The following ARHGAP21 variants were observed in gnomAD, a reference collection of about 807,000 sequenced individuals.
ARHGAP21 encodes rho GTPase-activating protein 21.
Under a neutral mutation model 164.6 loss-of-function variants are expected in ARHGAP21, and 38 were observed. That is an observed-to-expected ratio of 0.23 (90% CI 0.18 to 0.30). The LOEUF is 0.30. Ranked by LOEUF, ARHGAP21 falls within the 10% of genes least tolerant of loss-of-function variation. ARHGAP21 has a pLI of 1.00. For synonymous variants in ARHGAP21, 766 were observed against 857.9 expected, an observed-to-expected ratio of 0.89 and a Z score of 1.87; for missense variants, 1,822 against 2,370.7, an observed-to-expected ratio of 0.77 and a Z score of 4.81.
chr10:24,702,113 A>G (rs1843724019), intron 2 of ARHGAP21, among the ~76,000 whole-genome samples: 1 of 150,832 alleles, frequency 6.6e-6, no homozygotes, highest in African/African-American at 2.4e-5. Context: ...GAGGGGGAGA[A>G]AATACTTCCG....
intron 2 of ARHGAP21, among the ~76,000 whole-genome samples, chr10:24,681,023 G>T (rs1417238586): frequency 6.6e-6 from 1 of 152,052 alleles, no homozygotes; most frequent in Admixed American, 6.6e-5. Flanking sequence ...CCAAAATAAA[G>T]ATTTAAAAAC....
intron 7 of ARHGAP21, among the ~76,000 whole-genome samples, chr10:24,626,871 C>T (rs1835191921): frequency 6.6e-6 from 1 of 152,052 alleles, no homozygotes; most frequent in Non-Finnish European, 1.5e-5. Flanking sequence ...ATATTGTTAA[C>T]CTAGAAAATA....
At chr10:24,631,162 G>A (rs1423149983) in intron 6 of ARHGAP21, among the ~76,000 whole-genome samples, 3 of 152,100 alleles carry the variant, frequency 2.0e-5, no homozygotes, top group Admixed American at 6.5e-5. Flanking sequence ...TCAGGAGTTC[G>A]AGACCAGCCT....
At chr10:24,623,661 A>T (rs1376141451) in intron 7 of ARHGAP21, among the ~76,000 whole-genome samples, 2 of 152,212 alleles carry the variant, frequency 1.3e-5, no homozygotes, top group Admixed American at 6.5e-5. Context: ...TTCCCACAAC[A>T]TCCTTGTGTA....
At chr10:24,625,455 T>C (rs1307184772) in intron 7 of ARHGAP21, among the ~76,000 whole-genome samples, 1 of 152,176 alleles carries the variant, frequency 6.6e-6, no homozygotes, top group East Asian at 1.9e-4. Context: ...ATGCCAACCA[T>C]GCCAGCATAG....
intron 2 of ARHGAP21, among the ~76,000 whole-genome samples, chr10:24,709,770 CACAACAACA>C (rs144410501): frequency 6.1e-5 from 9 of 148,742 alleles, no homozygotes; most frequent in Non-Finnish European, 1.2e-4. Context: ...CAGACAAGGA[CACAACAACA>C]ACAACAACAA....
intron 2 of ARHGAP21, among the ~76,000 whole-genome samples, chr10:24,711,459 C>T (rs555794047): frequency 2.0e-5 from 3 of 152,262 alleles, no homozygotes; most frequent in Admixed American, 6.5e-5. Context: ...TCAGTCCCCA[C>T]GTCAGAACAT....
chr10:24,596,179 A>G, intron 17 of ARHGAP21, 136 bp from the exon 18 acceptor site: 1 of 713,674 alleles, frequency 1.4e-6, no homozygotes, highest in Non-Finnish European at 2.2e-6. Context: ...CAGACATTAT[A>G]GATCTGGGAA....
chr10:24,700,779 C>A (rs1401496691), intron 2 of ARHGAP21, among the ~76,000 whole-genome samples: 2 of 152,094 alleles, frequency 1.3e-5, no homozygotes, highest in African/African-American at 4.8e-5. Flanking sequence ...AAATTAAGTA[C>A]CTCTCAAAAA....
rs41279874 is a variant in ARHGAP21 at position 24,635,205 on chromosome 10, G to A, written c.269-102C>T. 8.3e-3 allele frequency: 5,617 copies of A among 675,318 alleles called. 47 individuals carry two copies. Among genetic ancestry groups the A allele is most frequent in the Non-Finnish European group, 0.011 (4,841 of 429,906 alleles). The allele number at this position is 675,318 out of a possible 1,614,324, so 41.8% of individuals were successfully genotyped here. A position where few individuals can be genotyped will look rare whatever the true frequency, so the allele number is the denominator to read the frequency against. ...AGAGAATTAAGCAAAGCTTTTTAAT[G>A]AAATATTAAATACATATCCTGAATT... On this transcript the variant is annotated intron_variant, in intron 4 of 25. Coordinates refer to ENST00000396432, the MANE Select transcript of ARHGAP21 (RefSeq NM_020824.4).
At chr10:24,619,417 C>A (rs1407637185) in intron 9 of ARHGAP21, 56 bp downstream of exon 9, 2 of 1,498,738 alleles carry the variant, frequency 1.3e-6, no homozygotes, top group Non-Finnish European at 1.8e-6. Context: ...TAATACTTTT[C>A]TGGAAAGATT....
chr10:24,586,134 T>A, intron 25 of ARHGAP21, 28 bp from the exon 26 acceptor site: 2 of 1,537,838 alleles, frequency 1.3e-6, no homozygotes, highest in Non-Finnish European at 1.7e-6. Flanking sequence ...AGAAAGACTC[T>A]GAGCATAAGA....
chr10:24,716,436 T>C (rs1845389956), intron 2 of ARHGAP21, among the ~76,000 whole-genome samples: 1 of 151,994 alleles, frequency 6.6e-6, no homozygotes, highest in Non-Finnish European at 1.5e-5. Context: ...CTGGGGGAAG[T>C]GTTCTAAGGG....
chr10:24,595,804 A>G lies in ARHGAP21; in HGVS notation c.3634-9T>C. 1.2e-6 allele frequency: 2 copies of G among 1,612,778 alleles called. No individual in the cohort carries two copies. The highest frequency in any genetic ancestry group is 2.2e-5 in the South Asian group (2 of 90,728). ...TTCAAATCTCGCCATTTCTAGGTGT[A>G]CAAAATAGAAATATAGTATTTTCAT... On this transcript the variant is annotated splice_polypyrimidine_tract_variant and intron_variant, in intron 18 of 25. Transcript: ENST00000396432.
At chr10:24,625,299 GAAAAAAAAAAAAAAAAAA>G (rs34935501) in intron 7 of ARHGAP21, among the ~76,000 whole-genome samples, 1 of 53,798 alleles carries the variant, frequency 1.9e-5, no homozygotes, top group South Asian at 8.4e-4. Context: ...ATGAAACAGA[GAAAAAAAAAAAAAAAAAA>G]AAAAAACCTG....
intron 2 of ARHGAP21, among the ~76,000 whole-genome samples, chr10:24,718,266 G>C (rs1593395755): frequency 6.6e-6 from 1 of 152,186 alleles, no homozygotes; most frequent in Non-Finnish European, 1.5e-5. Flanking sequence ...GAGAGTCAGC[G>C]GTAGCGGTGA....
At chr10:24,631,864 G>A (rs564299103) in intron 6 of ARHGAP21, among the ~76,000 whole-genome samples, 8 of 152,170 alleles carry the variant, frequency 5.3e-5, no homozygotes, top group African/African-American at 1.7e-4. Context: ...AAGTATCTGG[G>A]ACAACAGACA....
intron 13 of ARHGAP21, 92 bp downstream of exon 13, chr10:24,601,886 G>A: frequency 7.8e-7 from 1 of 1,283,140 alleles, no homozygotes; most frequent in Non-Finnish European, 1.0e-6. Context: ...TCTTTAATCT[G>A]GATATCATGC....
intron 2 of ARHGAP21, among the ~76,000 whole-genome samples, chr10:24,697,869 A>T (rs1843311703): frequency 6.6e-6 from 1 of 152,018 alleles, no homozygotes; most frequent in South Asian, 2.1e-4. Flanking sequence ...TCAAAAAAAT[A>T]AAAAAATAAA....
Sources: allele counts gnomAD v4.1 joint callset (sites outside exome capture counted in the v4.1 genomes callset), GRCh38; gene constraint gnomAD v4.1.1; transcripts MANE v1.5; gene names NCBI Gene and HGNC (gene_info 2026-07-23, HGNC 2026-07-21).